Variants in ZNF609 observed in about 807,000 individuals in gnomAD.
ZNF609 encodes zinc finger protein 609.
A neutral mutation model predicts 109.5 loss-of-function variants in ZNF609; 11 were observed. The observed-to-expected ratio is 0.10, with a 90% confidence interval of 0.06 to 0.17. The LOEUF (loss-of-function observed/expected upper bound fraction) is 0.17. Among genes scored for constraint, ZNF609 ranks in the 10% least tolerant of loss-of-function variants. The pLI, the probability that ZNF609 is intolerant of heterozygous loss-of-function variation, is 1.00. For synonymous variants in ZNF609, 646 were observed against 662.0 expected (o/e 0.98, Z 0.37); for missense variants, 1,559 against 1,772.4 (o/e 0.88, Z 2.16).
chr15:64,556,333 A>C (rs552401614), intron 2 of ZNF609, among the ~76,000 whole-genome samples: 1 of 151,206 alleles, frequency 6.6e-6, no homozygotes, highest in Non-Finnish European at 1.5e-5. Flanking sequence ...GAGCCTGGCA[A>C]TGTTGCCCAG....
rs1896874452 is a variant in ZNF609, at chr15:64,680,798, C to T, written c.4098C>T (p.His1366=). Residue 1366 remains histidine, a synonymous_variant, in exon 8 of 10, where the codon CAC becomes CAT. Transcript: ENST00000326648. The part of the protein sequence containing the change: ...TSPSQRLMST[H]HHHHHLGYSL... ...CTTCCCAGCGCCTGATGTCCACACACCACCACCACCACCACTTGGGGTACT... is the reference window on the plus strand; with the variant it reads ...CTTCCCAGCGCCTGATGTCCACACATCACCACCACCACCACTTGGGGTACT... 1.2e-6 allele frequency: 2 copies of T among 1,609,822 alleles called. No homozygotes were observed. The highest frequency in any genetic ancestry group is 1.3e-5 in the African/African-American group (1 of 74,176).
chr15:64,485,529 G>T (rs935713365), intron 1 of ZNF609, among the ~76,000 whole-genome samples: 1 of 152,220 alleles, frequency 6.6e-6, no homozygotes, highest in African/African-American at 2.4e-5. Flanking sequence ...GGGGTTGGGT[G>T]CAGTGGCTCA....
At chr15:64,638,011 T>TAC (rs1896200192) in intron 3 of ZNF609, among the ~76,000 whole-genome samples, 1 of 139,640 alleles carries the variant, frequency 7.2e-6, no homozygotes. Context: ...TATATATATA[T>TAC]ATATAAAATA....
chr15:64,638,471 G>C (rs1896210124), intron 3 of ZNF609, among the ~76,000 whole-genome samples: 5 of 151,894 alleles, frequency 3.3e-5, no homozygotes, highest in Admixed American at 3.3e-4. Context: ...AGGATCTACA[G>C]ATCAATTTGG....
intron 3 of ZNF609, among the ~76,000 whole-genome samples, chr15:64,644,968 C>CT (rs1567037922): frequency 3.6e-5 from 5 of 139,698 alleles, no homozygotes; most frequent in African/African-American, 6.2e-5. Flanking sequence ...CTTTTCTTTT[C>CT]TTCTTTCTTT....
intron 3 of ZNF609, among the ~76,000 whole-genome samples, chr15:64,637,331 A>C (rs1896191285): frequency 6.6e-6 from 1 of 152,186 alleles, no homozygotes; most frequent in Non-Finnish European, 1.5e-5. Flanking sequence ...GGCTGTTATA[A>C]AAAGTGCTGC....
intron 3 of ZNF609, among the ~76,000 whole-genome samples, chr15:64,637,397 C>T (rs998741140): frequency 1.3e-5 from 2 of 152,172 alleles, no homozygotes; most frequent in African/African-American, 2.4e-5. Flanking sequence ...TCCTATCTAT[C>T]TATACTTAGA....
intron 2 of ZNF609, among the ~76,000 whole-genome samples, chr15:64,510,988 GAT>G (rs1491442786): frequency 6.5e-5 from 3 of 45,850 alleles, no homozygotes; most frequent in Middle Eastern, 9.3e-3. Flanking sequence ...ACATAGCATT[GAT>G]TTTTTTTTTT....
At chr15:64,658,786 C>A in intron 3 of ZNF609, among the ~76,000 whole-genome samples, 1 of 146,698 alleles carries the variant, frequency 6.8e-6, no homozygotes, top group Admixed American at 6.7e-5. Flanking sequence ...GACAAAGATC[C>A]TGTCTCAAAA....
intron 3 of ZNF609, among the ~76,000 whole-genome samples, chr15:64,635,574 T>C (rs1896161026): frequency 6.6e-6 from 1 of 152,198 alleles, no homozygotes; most frequent in Non-Finnish European, 1.5e-5. Context: ...GAGGGACTTG[T>C]CTTTGTTAGT....
Position 64,682,587 on chromosome 15 carries a change from C to G in ZNF609, c.*901C>G, listed in dbSNP as rs1329969357. The G allele has an allele frequency of 6.5e-6, 1 of 152,808 alleles. No homozygotes were observed. Among genetic ancestry groups the G allele is most frequent in the African/African-American group, 2.4e-5 (1 of 41,472 alleles). The allele number at this position is 152,808 out of a possible 1,614,324, so 9.5% of individuals were successfully genotyped here. On this transcript the variant is annotated 3_prime_UTR_variant, in exon 10 of 10. Transcript: ENST00000326648. ...TTCCCAGGGGGATCCCCACACTGGT[C>G]TTGCCTCTTCTTTTCCACTGCTTGG...
chr15:64,492,569 A>T (rs1893428998), intron 1 of ZNF609, among the ~76,000 whole-genome samples: 1 of 152,154 alleles, frequency 6.6e-6, no homozygotes, highest in South Asian at 2.1e-4. Flanking sequence ...ATAAATAGAG[A>T]TGGAGTCTCG....
At position 64,499,892 on chromosome 15, in the gene ZNF609, A is replaced by G; in HGVS notation, c.473A>G (p.Lys158Arg). The change falls in exon 2 of 10, where the codon AAG becomes AGG. Residue 158 changes from lysine to arginine, a missense_variant. Around this residue, in one of 4 missense-constraint regions of ZNF609, gnomAD observed 291 missense variants for 317.8 expected, o/e 0.92. Coordinates refer to ENST00000326648, the MANE Select transcript of ZNF609 (RefSeq NM_015042.2). ...KASRSVAGSK[K>R]EKENSSSKSK... ...TCCCGCAGTGTAGCCGGTTCCAAAA[A>G]GGAGAAGGAGAACAGCTCATCTAAG... 1 of 1,614,092 alleles carries G rather than the reference A, an allele frequency of 6.2e-7. No individual in the cohort carries two copies. Among genetic ancestry groups the G allele is most frequent in the Admixed American group, 1.7e-5 (1 of 60,004 alleles).
chr15:64,633,107 T>G (rs1896111065), intron 3 of ZNF609, among the ~76,000 whole-genome samples: 1 of 151,582 alleles, frequency 6.6e-6, no homozygotes, highest in South Asian at 2.1e-4. Flanking sequence ...TTGTTTTGTT[T>G]TTTTTTTTCT....
At chr15:64,626,197 G>C (rs1451439674) in intron 3 of ZNF609, among the ~76,000 whole-genome samples, 2 of 151,918 alleles carry the variant, frequency 1.3e-5, no homozygotes, top group Non-Finnish European at 2.9e-5. Context: ...TTCTGAAAGA[G>C]AACTGTTCAG....
chr15:64,543,748 T>G (rs1430503392), intron 2 of ZNF609, among the ~76,000 whole-genome samples: 1 of 152,228 alleles, frequency 6.6e-6, no homozygotes, highest in African/African-American at 2.4e-5. Context: ...TCAGCCTCTC[T>G]GCCTTTTTAA....
intron 1 of ZNF609, among the ~76,000 whole-genome samples, chr15:64,472,447 C>G (rs537474095): frequency 6.6e-6 from 1 of 152,192 alleles, no homozygotes; most frequent in South Asian, 2.1e-4. Context: ...CTGCTCTATC[C>G]TGTGTACAAA....
At chr15:64,677,570 A>G (rs147626924) in intron 5 of ZNF609, among the ~76,000 whole-genome samples, 1 of 152,294 alleles carries the variant, frequency 6.6e-6, no homozygotes, top group African/African-American at 2.4e-5. Flanking sequence ...GGTCCAAAGT[A>G]TACTCAGTTA....
At chr15:64,596,547 T>G (rs1332934525) in intron 2 of ZNF609, among the ~76,000 whole-genome samples, 2 of 152,176 alleles carry the variant, frequency 1.3e-5, no homozygotes, top group Non-Finnish European at 2.9e-5. Flanking sequence ...CTCCTTCTCA[T>G]CTTTTGGGCC....
Sources: gnomAD v4.1 joint callset for allele counts (sites outside exome capture counted in the v4.1 genomes callset) on GRCh38, gnomAD v4.1.1 for gene constraint, gnomAD v4.1.1 regional missense constraint, MANE v1.5 for transcripts, NCBI Gene and HGNC (gene_info 2026-07-23, HGNC 2026-07-21) for gene names.